ISCU: variants seen among roughly 807,000 people sequenced by gnomAD.
ISCU encodes iron-sulfur cluster assembly enzyme.
ISCU carries 13 observed loss-of-function variants against 18.4 expected under a neutral mutation model. That is an observed-to-expected ratio of 0.71 (90% CI 0.46 to 1.12). ISCU has a LOEUF of 1.12. Among genes scored for constraint, ISCU ranks in the 50% most tolerant of loss-of-function variants. The pLI is 0.00. For missense variants in ISCU, 229 were observed against 208.7 expected (o/e 1.10, Z -0.60); for synonymous variants, 104 against 87.5 (o/e 1.19, Z -1.06).
chr12:108,562,564 C>T (rs931590913), upstream of ISCU: 38 of 1,015,228 alleles, frequency 3.7e-5, 1 homozygote, highest in South Asian at 5.9e-4. Flanking sequence ...GGAGCCGACT[C>T]GCAGACGCGC....
Position 108,565,434 on chromosome 12 carries a change from A to G in ISCU, c.339+3A>G, listed in dbSNP as rs2030847219. 6.3e-7 allele frequency: 1 copy of G among 1,585,980 alleles called. No individual in the cohort carries two copies. The highest frequency in any genetic ancestry group is 1.7e-5 in the Admixed American group (1 of 59,982). On this transcript the variant is annotated splice_donor_region_variant and intron_variant, in intron 3 of 4. Coordinates refer to ENST00000311893, the MANE Select transcript of ISCU (RefSeq NM_213595.4). Reference sequence around the variant, plus strand: ...CTGAATGGGTGAAAGGAAAGACGGTAAGGTGGCTCACAAATCTAATGGGTC... The same window carrying G: ...CTGAATGGGTGAAAGGAAAGACGGTGAGGTGGCTCACAAATCTAATGGGTC...
chr12:108,566,906 C>G (rs956773230), intron 3 of ISCU, among the ~76,000 whole-genome samples: 10 of 152,184 alleles, frequency 6.6e-5, no homozygotes, highest in African/African-American at 1.9e-4. Context: ...ACAAGCAGAT[C>G]CCTAAGAGAC....
chr12:108,567,583 C>A, intron 4 of ISCU: 1 of 1,223,600 alleles, frequency 8.2e-7, no homozygotes, highest in African/African-American at 1.5e-5. Context: ...GAAGCTAAGG[C>A]TTGGGTTGAG....
At chr12:108,568,649 G>A in intron 4 of ISCU, 182 bp from the exon 5 acceptor site, 1 of 1,455,874 alleles carries the variant, frequency 6.9e-7, no homozygotes, top group Non-Finnish European at 9.0e-7. Context: ...TCACCCGCAG[G>A]AGTAACTCAG....
chr12:108,568,190 A>G, intron 4 of ISCU: 3 of 1,280,186 alleles, frequency 2.3e-6, no homozygotes, highest in Non-Finnish European at 2.0e-6. Flanking sequence ...CAGCCCTTTT[A>G]TTAGGCCTTT....
At chr12:108,563,720 C>T (rs999085779) in intron 1 of ISCU, 3 of 333,928 alleles carry the variant, frequency 9.0e-6, no homozygotes, top group African/African-American at 4.3e-5. Context: ...AGCAGCCTTT[C>T]AGCAGCCAGG....
intron 1 of ISCU, chr12:108,563,090 A>C: frequency 5.5e-6 from 1 of 182,576 alleles, no homozygotes. Context: ...TGCCCTGGCC[A>C]GATGACCTTG....
upstream of ISCU, chr12:108,562,592 C>G (rs1410929594): frequency 9.9e-6 from 13 of 1,314,240 alleles, no homozygotes; most frequent in Non-Finnish European, 1.2e-5. Context: ...CTCGGCGTCG[C>G]TCTGGACTGG....
chr12:108,565,564 C>G lies in ISCU; in HGVS notation c.339+133C>G, dbSNP rs960025695. 3 of 695,360 alleles carry G rather than the reference C, an allele frequency of 4.3e-6. No individual in the cohort carries two copies. In the African/African-American group the frequency reaches 5.4e-5, roughly 13 times the overall value. 43.1% of individuals were successfully genotyped at this position (695,360 alleles called of 1,614,324 possible). ...TTTCTTCAAATTGGGAATTATGGAT[C>G]ATTCTACTAGGTGTTGTTTGGGTTT... is the stretch of plus-strand genomic sequence containing the variant. On this transcript the variant is annotated intron_variant, in intron 3 of 4. Coordinates refer to ENST00000311893, the MANE Select transcript of ISCU (RefSeq NM_213595.4).
Position 108,569,297 on chromosome 12 carries a change from C to A in ISCU, c.*381C>A. On this transcript the variant is annotated 3_prime_UTR_variant, in exon 5 of 5. Transcript: ENST00000311893. Reference sequence around the variant, plus strand: ...GCCTTGGTCTGAATATTTGATAGAACCAATTGTTGTACATAAAACAGATTG... The same window carrying A: ...GCCTTGGTCTGAATATTTGATAGAAACAATTGTTGTACATAAAACAGATTG... 4.7e-6 allele frequency: 1 copy of A among 212,086 alleles called. No homozygotes were observed. Among genetic ancestry groups the A allele is most frequent in the Non-Finnish European group, 8.9e-6 (1 of 112,136 alleles). The allele number at this position is 212,086 out of a possible 1,614,324, so 13.1% of individuals were successfully genotyped here. A position where few individuals can be genotyped will look rare whatever the true frequency, so the allele number is the denominator to read the frequency against.
chr12:108,562,660 C>A lies in ISCU; in HGVS notation c.38C>A (p.Ala13Glu). 6.9e-7 allele frequency: 1 copy of A among 1,454,552 alleles called. No homozygotes were observed. Among genetic ancestry groups the A allele is most frequent in the Non-Finnish European group, 9.0e-7 (1 of 1,109,244 alleles). The allele number at this position is 1,454,552 out of a possible 1,614,324, so 90.1% of individuals were successfully genotyped here. ...AAGAFRLRRA[A>E]SALLLRSPRL... Reference sequence around the variant, plus strand: ...GGGGCTTTCCGTCTGAGGCGGGCGGCATCGGCTCTGCTGCTGCGGAGCCCC... The same window carrying A: ...GGGGCTTTCCGTCTGAGGCGGGCGGAATCGGCTCTGCTGCTGCGGAGCCCC... Residue 13 changes from alanine to glutamate, a missense_variant, in exon 1 of 5, where the codon GCA becomes GAA. By Grantham distance (107) the Ala-to-Glu change is moderately radical. Coordinates refer to ENST00000311893, the MANE Select transcript of ISCU (RefSeq NM_213595.4).
chr12:108,563,940 G>T (rs986678296), intron 1 of ISCU: 27 of 725,818 alleles, frequency 3.7e-5, no homozygotes, highest in Non-Finnish European at 1.8e-5. Context: ...GATTTTATTT[G>T]AAAATAACAA....
chr12:108,568,654 A>C (rs1483373943), intron 4 of ISCU, 177 bp from the exon 5 acceptor site: 17 of 1,461,394 alleles, frequency 1.2e-5, no homozygotes, highest in Non-Finnish European at 1.4e-5. Flanking sequence ...CGCAGGAGTA[A>C]CTCAGCTCAG....
chr12:108,569,078 A>G lies in ISCU; in HGVS notation c.*162A>G. ...TGACTCTCATGCAAGCAAAATACAC[A>G]GTTTCATTGTTCTGAATCCTGTGGT... On this transcript the variant is annotated 3_prime_UTR_variant, in exon 5 of 5. Coordinates refer to ENST00000311893, the MANE Select transcript of ISCU (RefSeq NM_213595.4). The G allele has an allele frequency of 1.5e-6, 1 of 667,948 alleles. No individual in the cohort carries two copies. The highest frequency in any genetic ancestry group is 1.7e-5 in the South Asian group (1 of 60,480). The allele number at this position is 667,948 out of a possible 1,614,324, so 41.4% of individuals were successfully genotyped here. A position where few individuals can be genotyped will look rare whatever the true frequency, so the allele number is the denominator to read the frequency against.
chr12:108,563,487 G>T (rs2030731023), intron 1 of ISCU: 1 of 163,902 alleles, frequency 6.1e-6, no homozygotes, highest in South Asian at 1.5e-4. Flanking sequence ...CCTTTTACTT[G>T]GAGTCAAAAT....
At chr12:108,562,555 G>T, upstream of ISCU, 1 of 918,714 alleles carries the variant, frequency 1.1e-6, no homozygotes, top group Non-Finnish European at 1.5e-6. Context: ...TCCCAGCTCG[G>T]AGCCGACTCG....
chr12:108,563,910 G>C, intron 1 of ISCU: 1 of 672,602 alleles, frequency 1.5e-6, no homozygotes, highest in Non-Finnish European at 2.7e-6. Context: ...TTTTTAAATA[G>C]TAATCATCCT....
chr12:108,568,922 C>G lies in ISCU; in HGVS notation c.*6C>G, dbSNP rs1209369921. ...GAGAGGCAGAGAAGAAATGAGCCCT[C>G]CCTCGGCGAAGCCTCCAGCAGGCCA... On this transcript the variant is annotated 3_prime_UTR_variant, in exon 5 of 5. Coordinates refer to ENST00000311893, the MANE Select transcript of ISCU (RefSeq NM_213595.4). 1 of 1,608,108 alleles carries G rather than the reference C, an allele frequency of 6.2e-7. No homozygotes were observed. Among genetic ancestry groups the G allele is most frequent in the Non-Finnish European group, 8.5e-7 (1 of 1,177,160 alleles).
intron 3 of ISCU, among the ~76,000 whole-genome samples, chr12:108,565,958 G>C (rs932109014): frequency 6.6e-6 from 1 of 152,260 alleles, no homozygotes; most frequent in Admixed American, 6.5e-5. Context: ...AGATAATAAA[G>C]AGCTAGAACT....
Sources: gnomAD v4.1 joint callset for allele counts (sites outside exome capture counted in the v4.1 genomes callset) on GRCh38, gnomAD v4.1.1 for gene constraint, MANE v1.5 for transcripts, NCBI Gene and HGNC (gene_info 2026-07-23, HGNC 2026-07-21) for gene names.